Variants in BCAS3 observed in about 807,000 individuals in gnomAD.
BCAS3 encodes the protein BCAS3 microtubule associated cell migration factor.
In BCAS3, 53 loss-of-function variants were observed where a neutral mutation model predicts 116.1. That is an observed-to-expected ratio of 0.46 (90% CI 0.37 to 0.57). The LOEUF (loss-of-function observed/expected upper bound fraction) is 0.57, where lower values mean the gene tolerates loss of function less well. BCAS3 is among the 20% of genes least tolerant of loss of function. BCAS3 has a pLI of 0.00. For missense variants in BCAS3, 917 were observed against 1,165.4 expected, an observed-to-expected ratio of 0.79 and a Z score of 3.10; for synonymous variants, 391 against 408.2, an observed-to-expected ratio of 0.96 and a Z score of 0.51.
At chr17:61,210,258 A>G (rs1281874309) in intron 22 of BCAS3, among the ~76,000 whole-genome samples, 1 of 152,216 alleles carries the variant, frequency 6.6e-6, no homozygotes, top group Non-Finnish European at 1.5e-5. Flanking sequence ...TGTTAATGTC[A>G]TCCTGTCATG....
At chr17:61,290,032 T>C (rs1032193479) in intron 22 of BCAS3, among the ~76,000 whole-genome samples, 1 of 152,076 alleles carries the variant, frequency 6.6e-6, no homozygotes, top group African/African-American at 2.4e-5. Flanking sequence ...TTTCAGAAAT[T>C]AGGGTGTTTA....
chr17:60,767,420 C>T (rs2044229005), intron 6 of BCAS3, among the ~76,000 whole-genome samples: 1 of 148,860 alleles, frequency 6.7e-6, no homozygotes, highest in Non-Finnish European at 1.5e-5. Flanking sequence ...TCTCGGCTCA[C>T]TGCAACCTCT....
At position 60,878,829 on chromosome 17, in the gene BCAS3, G is replaced by A. The variant is rs79401570; in HGVS notation, c.661+4091G>A. Among the ~76,000 whole-genome samples the A allele has an allele frequency of 8.8e-3, 1,339 of 152,194 alleles. 21 individuals carry two copies. Among genetic ancestry groups the A allele is most frequent in the African/African-American group, 0.03 (1,235 of 41,524 alleles). On this transcript the variant is annotated intron_variant, in intron 9 of 23. Coordinates refer to ENST00000407086, the MANE Select transcript of BCAS3 (RefSeq NM_017679.5). ...AATATTTGAATGAAGGAATTTGGCC[G>A]ATTTTCTTTGAAATTACAGCTTCCT...
At chr17:60,711,115 T>A (rs1471141133) in intron 5 of BCAS3, among the ~76,000 whole-genome samples, 2 of 151,962 alleles carry the variant, frequency 1.3e-5, no homozygotes, top group African/African-American at 4.8e-5. Context: ...TCTATTCTTA[T>A]AATTATCATA....
chr17:61,158,652 C>T (rs1290786078), intron 22 of BCAS3, among the ~76,000 whole-genome samples: 2 of 151,970 alleles, frequency 1.3e-5, no homozygotes, highest in Non-Finnish European at 2.9e-5. Flanking sequence ...GCACAAATAG[C>T]GGGTTAACTG....
intron 22 of BCAS3, among the ~76,000 whole-genome samples, chr17:61,111,786 A>C (rs1260652150): frequency 6.9e-5 from 8 of 115,224 alleles, no homozygotes; most frequent in African/African-American, 6.4e-5. Context: ...CATAATTGTC[A>C]GATTCACCAA....
At chr17:60,688,688 C>T (rs1228819501) in intron 3 of BCAS3, among the ~76,000 whole-genome samples, 3 of 151,856 alleles carry the variant, frequency 2.0e-5, no homozygotes, top group Admixed American at 6.6e-5. Context: ...TGGTGGCACA[C>T]GCCTATAGTT....
intron 22 of BCAS3, among the ~76,000 whole-genome samples, chr17:61,319,715 T>A (rs1454799109): frequency 6.6e-6 from 1 of 152,056 alleles, no homozygotes; most frequent in Non-Finnish European, 1.5e-5. Flanking sequence ...TACTCCTTAG[T>A]GCAGAACTGT....
At chr17:61,386,191 G>A (rs1343629371) in intron 23 of BCAS3, among the ~76,000 whole-genome samples, 1 of 152,322 alleles carries the variant, frequency 6.6e-6, no homozygotes, top group East Asian at 1.9e-4. Context: ...ACAAAGATTC[G>A]AGTAACTTTC....
In BCAS3 at chr17:61,271,589, C is replaced by CTGTGTGTGTG. The variant is rs34693526; in HGVS notation, c.2426-96702_2426-96693dup. On this transcript the variant is annotated intron_variant, in intron 22 of 23. Transcript: ENST00000407086. ...CAGGCGCCCGCCATCACGCCCAGCT[C>CTGTGTGTGTG]TGTGTGTGTGTGTGTGTGTGTGTGT... 2.8e-3 allele frequency among the ~76,000 whole-genome samples: 329 copies of CTGTGTGTGTG among 118,422 alleles called. 2 individuals are homozygous for CTGTGTGTGTG. Among genetic ancestry groups the CTGTGTGTGTG allele is most frequent in the African/African-American group, 4.1e-3 (123 of 30,330 alleles). The allele number at this position is 118,422 out of a possible 152,430, so 77.7% of individuals were successfully genotyped here.
chr17:61,156,713 TAAC>T lies in BCAS3; in HGVS notation c.2425+72152_2425+72154del, dbSNP rs1304218307. 1.3e-5 allele frequency among the ~76,000 whole-genome samples: 2 copies of T among 152,196 alleles called. No individual in the cohort carries two copies. Among genetic ancestry groups the T allele is most frequent in the Admixed American group, 6.5e-5 (1 of 15,278 alleles). On this transcript the variant is annotated intron_variant, in intron 22 of 23. Transcript: ENST00000407086. This position sits in a 1 kb window ranked among gnomAD's most constrained non-coding sequence, Gnocchi z 4.7. ...AATCCTTGGAATCCTAATTGGCACA[TAAC>T]AATAATTGTTTCTATCCTGCTATAA...
chr17:61,010,106 G>A (rs1405211715), intron 15 of BCAS3, among the ~76,000 whole-genome samples: 1 of 129,252 alleles, frequency 7.7e-6, no homozygotes, highest in African/African-American at 3.0e-5. Flanking sequence ...AAGTGAGTCT[G>A]TTAATGATGA....
At chr17:61,373,221 C>T (rs1164086447) in intron 23 of BCAS3, among the ~76,000 whole-genome samples, 1 of 151,446 alleles carries the variant, frequency 6.6e-6, no homozygotes, top group Non-Finnish European at 1.5e-5. Flanking sequence ...TCCCGAGTAA[C>T]TGGGACTCAG....
At chr17:60,999,013 A>C (rs963805065) in intron 15 of BCAS3, among the ~76,000 whole-genome samples, 2 of 152,170 alleles carry the variant, frequency 1.3e-5, no homozygotes, top group Non-Finnish European at 2.9e-5. Flanking sequence ...GTAGGAGCCT[A>C]GCTTAATTCT....
At chr17:60,696,675 C>G (rs1457093857) in intron 4 of BCAS3, 2 of 152,070 alleles carry the variant, frequency 1.3e-5, no homozygotes, top group African/African-American at 4.8e-5. Context: ...GAAGATGCCT[C>G]CTAGACATCC....
intron 22 of BCAS3, among the ~76,000 whole-genome samples, chr17:61,250,773 G>A (rs960187722): frequency 6.6e-6 from 1 of 152,192 alleles, no homozygotes; most frequent in African/African-American, 2.4e-5. Context: ...CCTTGGGCGA[G>A]TTACTGCCCA....
At chr17:60,784,656 C>G (rs1374576834) in intron 6 of BCAS3, among the ~76,000 whole-genome samples, 1 of 150,926 alleles carries the variant, frequency 6.6e-6, no homozygotes, top group Non-Finnish European at 1.5e-5. Flanking sequence ...TCAGGCTGGT[C>G]TTGAACTCCT....
Position 61,008,040 on chromosome 17 carries a change from C to T in BCAS3, c.1487-7711C>T, listed in dbSNP as rs982105864. Among the ~76,000 whole-genome samples, 3 of 147,070 alleles carry T rather than the reference C, an allele frequency of 2.0e-5. No homozygotes were observed. Among genetic ancestry groups the T allele is most frequent in the East Asian group, 1.9e-4 (1 of 5,150 alleles). On this transcript the variant is annotated intron_variant, in intron 15 of 23. Transcript: ENST00000407086. This position sits in a 1 kb window ranked among gnomAD's most constrained non-coding sequence, Gnocchi z 4.6. ...TCTTTAAAAATGTGTGTCTGTGTGT[C>T]GACACACACACACACACACACACAT...
At chr17:61,177,661 T>TAA (rs747585749) in intron 22 of BCAS3, among the ~76,000 whole-genome samples, 24 of 152,234 alleles carry the variant, frequency 1.6e-4, no homozygotes, top group Non-Finnish European at 2.9e-4. Context: ...ATACATATGT[T>TAA]AAAACTTGTA....
Sources: gnomAD v4.1 joint callset for allele counts (sites outside exome capture counted in the v4.1 genomes callset) on GRCh38, gnomAD v4.1.1 for gene constraint, Gnocchi (gnomAD v3.1) non-coding constraint, MANE v1.5 for transcripts, NCBI Gene and HGNC (gene_info 2026-07-23, HGNC 2026-07-21) for gene names.